NAALADL2: variants seen among roughly 807,000 people sequenced by gnomAD.
NAALADL2 encodes the protein inactive N-acetylated-alpha-linked acidic dipeptidase-like protein 2.
NAALADL2 carries 76 observed loss-of-function variants against 87.2 expected under a neutral mutation model. That is an observed-to-expected ratio of 0.87 (90% confidence interval 0.72 to 1.05). The LOEUF (loss-of-function observed/expected upper bound fraction) is 1.05, where lower values mean the gene tolerates loss of function less well. NAALADL2 is among the 50% of genes least tolerant of loss of function. The pLI is 0.00. For missense variants in NAALADL2, 1,089 were observed against 945.8 expected, an observed-to-expected ratio of 1.15 and a Z score of -1.99; for synonymous variants, 354 against 331.0, an observed-to-expected ratio of 1.07 and a Z score of -0.75.
At chr3:175,459,962 A>G (rs543132115) in intron 6 of NAALADL2, 1 of 305,990 alleles carries the variant, frequency 3.3e-6, no homozygotes, top group African/African-American at 2.2e-5. Flanking sequence ...TTACATTTTT[A>G]ACAGCCACAC....
chr3:174,780,054 C>T (rs1715746999), intron 3 of NAALADL2, among the ~76,000 whole-genome samples: 1 of 152,102 alleles, frequency 6.6e-6, no homozygotes, highest in South Asian at 2.1e-4. Flanking sequence ...CTATAAATTA[C>T]TTTGGGCAGT....
At chr3:174,682,004 G>A (rs1201255327) in intron 2 of NAALADL2, among the ~76,000 whole-genome samples, 1 of 152,112 alleles carries the variant, frequency 6.6e-6, no homozygotes. Context: ...TAGCCAGGCA[G>A]TACTCACCAC....
intron 3 of NAALADL2, among the ~76,000 whole-genome samples, chr3:174,749,246 A>G (rs2109032128): frequency 6.6e-6 from 1 of 152,288 alleles, no homozygotes; most frequent in South Asian, 2.1e-4. Context: ...GGGTGATGCT[A>G]GCATCTGTTT....
At chr3:174,855,329 C>T (rs779697479), upstream of NAALADL2, among the ~76,000 whole-genome samples, 16 of 152,060 alleles carry the variant, frequency 1.1e-4, no homozygotes, top group Non-Finnish European at 5.9e-5. Context: ...TTTGAGACCA[C>T]CTGTGTTTAT....
At chr3:175,624,917 A>T (rs1726776317) in intron 10 of NAALADL2, among the ~76,000 whole-genome samples, 2 of 152,068 alleles carry the variant, frequency 1.3e-5, no homozygotes, top group African/African-American at 2.4e-5. Context: ...GTATGTACAC[A>T]CTGACACACA....
intron 4 of NAALADL2, among the ~76,000 whole-genome samples, chr3:175,261,843 A>G (rs1044111069): frequency 6.6e-6 from 1 of 152,104 alleles, no homozygotes; most frequent in African/African-American, 2.4e-5. Flanking sequence ...ACATCTACAT[A>G]TTGTTGTCCC....
At chr3:174,787,576 C>CATATATATATATATATATATATACATAT (rs1553855293) in intron 3 of NAALADL2, among the ~76,000 whole-genome samples, 18 of 14,710 alleles carry the variant, frequency 1.2e-3, no homozygotes, top group South Asian at 2.8e-3. Flanking sequence ...AATATATCAT[C>CATATATATATATATATATATATACATAT]ATATATATAT....
rs182812699 is a variant in NAALADL2 at position 174,938,271 on chromosome 3, G to A, written c.43+78821G>A. 1.8e-4 allele frequency among the ~76,000 whole-genome samples: 27 copies of A among 152,106 alleles called. 1 individual carries two copies. In the East Asian group the frequency reaches 4.6e-3, roughly 26 times the overall value. ...AGCTCCCATGTATAAGTGAAAACATGTGTTACTTGGTTTTCTTTTTCTGCA... is the reference window on the plus strand; with the variant it reads ...AGCTCCCATGTATAAGTGAAAACATATGTTACTTGGTTTTCTTTTTCTGCA... On this transcript the variant is annotated intron_variant, in intron 1 of 13. Transcript: ENST00000454872.
intron 2 of NAALADL2, among the ~76,000 whole-genome samples, chr3:175,206,262 A>AT (rs372246885): frequency 0.03 from 3,080 of 103,106 alleles, 264 homozygotes; most frequent in African/African-American, 0.12. Context: ...ATATATATAT[A>AT]TTTTTTTTTT....
chr3:175,251,723 T>C (rs1749103951), intron 3 of NAALADL2, among the ~76,000 whole-genome samples: 3 of 152,224 alleles, frequency 2.0e-5, no homozygotes, highest in Non-Finnish European at 2.9e-5. Flanking sequence ...AAAAATTCAA[T>C]GTGCTTTCCT....
At chr3:174,851,532 T>G (rs68027602) in intron 3 of NAALADL2, among the ~76,000 whole-genome samples, 15,800 of 151,974 alleles carry the variant, frequency 0.1, 962 homozygotes, top group Middle Eastern at 0.14. Context: ...ATGGATAAAT[T>G]CCTAGACATG....
At chr3:174,999,082 C>T (rs1464594822) in intron 1 of NAALADL2, among the ~76,000 whole-genome samples, 1 of 152,066 alleles carries the variant, frequency 6.6e-6, no homozygotes, top group African/African-American at 2.4e-5. Context: ...GTTATTGATA[C>T]ATTTACTACT....
chr3:174,884,854 G>A (rs536033903), intron 1 of NAALADL2, among the ~76,000 whole-genome samples: 9 of 152,164 alleles, frequency 5.9e-5, no homozygotes, highest in East Asian at 3.9e-4. Flanking sequence ...CTAGGGGCCC[G>A]CCAGGAATTT....
chr3:175,611,799 A>G (rs1724689604), intron 10 of NAALADL2, among the ~76,000 whole-genome samples: 1 of 152,154 alleles, frequency 6.6e-6, no homozygotes, highest in African/African-American at 2.4e-5. Context: ...TAGTCTTCAG[A>G]GACACTCATT....
At chr3:175,792,384 C>A (rs1752904285) in intron 13 of NAALADL2, among the ~76,000 whole-genome samples, 1 of 152,134 alleles carries the variant, frequency 6.6e-6, no homozygotes, top group East Asian at 1.9e-4. Flanking sequence ...GATCAACATT[C>A]ATAGATTCAG....
intron 2 of NAALADL2, among the ~76,000 whole-genome samples, chr3:174,636,971 A>G (rs9858343): frequency 0.044 from 6,750 of 152,238 alleles, 530 homozygotes; most frequent in African/African-American, 0.15. Context: ...TATATACACA[A>G]TGGAATACTA....
At chr3:175,741,779 G>A (rs1379375845) in intron 12 of NAALADL2, among the ~76,000 whole-genome samples, 2 of 152,146 alleles carry the variant, frequency 1.3e-5, no homozygotes, top group South Asian at 2.1e-4. Context: ...CTAGGTTGAT[G>A]GTTGAGACAC....
At chr3:175,419,686 T>A (rs1715318203) in intron 5 of NAALADL2, among the ~76,000 whole-genome samples, 1 of 152,002 alleles carries the variant, frequency 6.6e-6, no homozygotes, top group Non-Finnish European at 1.5e-5. Flanking sequence ...CTTTTATTAC[T>A]GCCCATTTTC....
intron 2 of NAALADL2, among the ~76,000 whole-genome samples, chr3:174,671,391 C>G (rs1330266581): frequency 6.6e-6 from 1 of 151,954 alleles, no homozygotes; most frequent in Non-Finnish European, 1.5e-5. Context: ...TTACTAATTA[C>G]CTACTCTGTA....
Sources: allele counts gnomAD v4.1 joint callset (sites outside exome capture counted in the v4.1 genomes callset), GRCh38; gene constraint gnomAD v4.1.1; transcripts MANE v1.5; gene names NCBI Gene and HGNC (gene_info 2026-07-23, HGNC 2026-07-21).